MAP3K5: variants seen among roughly 807,000 people sequenced by gnomAD.
The protein encoded by MAP3K5 is mitogen-activated protein kinase kinase kinase 5.
Under a neutral mutation model 158.7 loss-of-function variants are expected in MAP3K5, and 56 were observed. The observed-to-expected ratio is 0.35, with a 90% CI of 0.28 to 0.44. The LOEUF (loss-of-function observed/expected upper bound fraction) is 0.44. MAP3K5 is among the 20% of genes least tolerant of loss of function. The probability of loss-of-function intolerance (pLI) is 1.00; values close to 1 mark genes in which losing one functional copy is unlikely to be tolerated. For synonymous variants in MAP3K5, 579 were observed against 601.7 expected (o/e 0.96, Z 0.55); for missense variants, 1,294 against 1,674.8 (o/e 0.77, Z 3.97).
intron 1 of MAP3K5, among the ~76,000 whole-genome samples, chr6:136,742,434 AAAAAAAC>A (rs1285877902): frequency 2.0e-5 from 3 of 152,112 alleles, no homozygotes; most frequent in African/African-American, 7.2e-5. Flanking sequence ...CTACATGAAA[AAAAAAAC>A]AAAAAACAAA....
chr6:136,587,053 T>C (rs921452092), intron 23 of MAP3K5, among the ~76,000 whole-genome samples: 2 of 152,208 alleles, frequency 1.3e-5, no homozygotes, highest in African/African-American at 4.8e-5. Context: ...TCTGTCCCTC[T>C]AGAGAACCCT....
intron 3 of MAP3K5, among the ~76,000 whole-genome samples, chr6:136,699,763 G>C (rs1780764309): frequency 6.6e-6 from 1 of 152,192 alleles, no homozygotes; most frequent in African/African-American, 2.4e-5. Flanking sequence ...GTACATTCTG[G>C]ACAATGCAGA....
intron 21 of MAP3K5, 44 bp downstream of exon 21, chr6:136,600,978 G>A: frequency 6.2e-7 from 1 of 1,606,826 alleles, no homozygotes; most frequent in Non-Finnish European, 8.5e-7. Flanking sequence ...TATCACACCA[G>A]ACACCAGGTC....
chr6:136,668,603 C>CT (rs995234186), intron 8 of MAP3K5, among the ~76,000 whole-genome samples: 1 of 152,124 alleles, frequency 6.6e-6, no homozygotes, highest in African/African-American at 2.4e-5. Flanking sequence ...TATCTAGAAT[C>CT]TTTAAAAAAT....
chr6:136,729,302 C>G (rs1485197491), intron 1 of MAP3K5, among the ~76,000 whole-genome samples: 1 of 152,044 alleles, frequency 6.6e-6, no homozygotes, highest in African/African-American at 2.4e-5. Flanking sequence ...TGTTTGAATC[C>G]CAGTTGTGTT....
Position 136,622,909 on chromosome 6 carries a change from C to T in MAP3K5, c.2089G>A (p.Gly697Ser). The change falls in exon 15 of 30, where the codon GGT (glycine) becomes AGT (serine). Residue 697 changes from glycine (G) to serine (S), a missense_variant. Around this residue, in one of 5 missense-constraint regions of MAP3K5, gnomAD observed 690 missense variants for 870.5 expected, o/e 0.79. Coordinates refer to ENST00000359015, the MANE Select transcript of MAP3K5 (RefSeq NM_005923.4). Reference sequence around the variant, plus strand: ...CTGACTTGGTTGCTCAAGTCCCGACCTGCGTAGACTATCCCATAAGTGCCT... The same window carrying T: ...CTGACTTGGTTGCTCAAGTCCCGACTTGCGTAGACTATCCCATAAGTGCCT... ...GKGTYGIVYA[G>S]RDLSNQVRIA... 1.9e-6 allele frequency: 3 copies of T among 1,604,394 alleles called. No individual in the cohort carries two copies. Among genetic ancestry groups the T allele is most frequent in the Non-Finnish European group, 2.6e-6 (3 of 1,174,364 alleles).
intron 8 of MAP3K5, among the ~76,000 whole-genome samples, chr6:136,667,074 C>G (rs770923055): frequency 2.6e-5 from 4 of 152,174 alleles, no homozygotes; most frequent in Admixed American, 6.5e-5. Flanking sequence ...AGAATAAGTA[C>G]ATTTTCAAAC....
rs547532044 is a variant in MAP3K5, at chr6:136,605,378, T to A, written c.2522-12A>T. On this transcript the variant is annotated splice_polypyrimidine_tract_variant and intron_variant, in intron 18 of 29. Coordinates refer to ENST00000359015, the MANE Select transcript of MAP3K5 (RefSeq NM_005923.4). ...ATACTGGAGGGTACCTGGAAACAAT[T>A]CAAACACATTTCCATTTTAAAAAGA... 38 of 1,595,278 alleles carry A rather than the reference T, an allele frequency of 2.4e-5. No homozygotes were observed. The highest frequency in any genetic ancestry group is 4.1e-5 in the African/African-American group (3 of 73,978).
At chr6:136,600,342 C>A (rs538253595) in intron 21 of MAP3K5, among the ~76,000 whole-genome samples, 1 of 152,032 alleles carries the variant, frequency 6.6e-6, no homozygotes, top group African/African-American at 2.4e-5. Flanking sequence ...TAGGCATGCA[C>A]CACCGCACCC....
At chr6:136,597,797 C>T (rs1379035462) in intron 21 of MAP3K5, among the ~76,000 whole-genome samples, 1 of 152,194 alleles carries the variant, frequency 6.6e-6, no homozygotes, top group Non-Finnish European at 1.5e-5. Flanking sequence ...ACCATCCTCA[C>T]ACAGCCATCG....
intron 8 of MAP3K5, among the ~76,000 whole-genome samples, chr6:136,663,489 G>GTCCTGA (rs1485117410): frequency 6.6e-6 from 1 of 150,732 alleles, no homozygotes; most frequent in African/African-American, 2.4e-5. Context: ...CTATCATCTA[G>GTCCTGA]TCCTGATTCA....
At chr6:136,669,117 C>T (rs1186733688) in intron 8 of MAP3K5, among the ~76,000 whole-genome samples, 166 bp downstream of exon 8, 8 of 152,090 alleles carry the variant, frequency 5.3e-5, no homozygotes, top group Non-Finnish European at 1.2e-4. Flanking sequence ...GGATTCTGTA[C>T]AACAGTATGA....
At chr6:136,561,478 C>A (rs74371630) in intron 28 of MAP3K5, 55 bp downstream of exon 28, 2 of 1,328,622 alleles carry the variant, frequency 1.5e-6, no homozygotes, top group African/African-American at 1.4e-5. Context: ...TAGCAGGCAC[C>A]CAACATTATG....
At chr6:136,785,640 T>C (rs549512420) in intron 1 of MAP3K5, among the ~76,000 whole-genome samples, 5 of 152,290 alleles carry the variant, frequency 3.3e-5, no homozygotes, top group African/African-American at 1.2e-4. Context: ...CTGGATCTCC[T>C]GCTGGCATTG....
intron 21 of MAP3K5, among the ~76,000 whole-genome samples, chr6:136,598,753 T>C (rs931835495): frequency 1.3e-5 from 2 of 152,168 alleles, no homozygotes; most frequent in Non-Finnish European, 2.9e-5. Context: ...ATATGGCCTA[T>C]AGAAAGTACC....
rs1436635225 is a variant in MAP3K5 at position 136,637,387 on chromosome 6, T to C, written c.1954A>G (p.Thr652Ala). The change falls in exon 14 of 30, where the codon ACC becomes GCC. Residue 652 changes from threonine (T) to alanine (A), a missense_variant. This residue lies in a region of MAP3K5 where 690 missense variants were observed against 870.5 expected (regional missense o/e 0.79). Transcript: ENST00000359015. The part of the protein sequence containing the change: ...HCKKFFEMVN[T>A]ITEEKGRSTE... Reference sequence around the variant, plus strand: ...CTTCTCCCCTTCTCTTCGGTAATGGTGTTCACCATCTCAAAAAACCTACAA... The same window carrying C: ...CTTCTCCCCTTCTCTTCGGTAATGGCGTTCACCATCTCAAAAAACCTACAA... 7 of 1,607,996 alleles carry C rather than the reference T, an allele frequency of 4.4e-6. No individual in the cohort carries two copies. The highest frequency in any genetic ancestry group is 1.6e-4 in the Middle Eastern group (1 of 6,074).
intron 15 of MAP3K5, among the ~76,000 whole-genome samples, chr6:136,622,210 T>C (rs1449526951): frequency 6.6e-6 from 1 of 152,146 alleles, no homozygotes; most frequent in Non-Finnish European, 1.5e-5. Flanking sequence ...AGTGTGACCC[T>C]CATCCCCAGC....
intron 1 of MAP3K5, among the ~76,000 whole-genome samples, chr6:136,737,537 T>C (rs1735193269): frequency 6.6e-6 from 1 of 152,164 alleles, no homozygotes; most frequent in South Asian, 2.1e-4. Flanking sequence ...CCGCCATGTA[T>C]CACATACTAA....
chr6:136,581,629 C>T (rs908234129), intron 24 of MAP3K5, among the ~76,000 whole-genome samples: 1 of 152,204 alleles, frequency 6.6e-6, no homozygotes. Flanking sequence ...TCATGCCTGT[C>T]CTTGGTCCAT....
Sources: allele counts gnomAD v4.1 joint callset (sites outside exome capture counted in the v4.1 genomes callset), GRCh38; gene constraint gnomAD v4.1.1; regional missense constraint gnomAD v4.1.1; transcripts MANE v1.5; gene names NCBI Gene and HGNC (gene_info 2026-07-23, HGNC 2026-07-21).